ATXN10: variants seen among roughly 807,000 people sequenced by gnomAD.
ATXN10 encodes the protein ataxin 10.
ATXN10 carries 28 observed loss-of-function variants against 52.9 expected under a neutral mutation model. The observed-to-expected ratio is 0.53, with a 90% confidence interval of 0.39 to 0.73. The LOEUF is 0.73. Among genes scored for constraint, ATXN10 ranks in the 30% least tolerant of loss-of-function variants. The pLI is 0.00. For missense variants in ATXN10, 565 were observed against 577.0 expected, an observed-to-expected ratio of 0.98 and a Z score of 0.21; for synonymous variants, 226 against 221.5, an observed-to-expected ratio of 1.02 and a Z score of -0.18.
In ATXN10 at chr22:45,806,965, G is replaced by A; in HGVS notation, c.1180G>A (p.Glu394Lys). 2 of 1,613,494 alleles carry A rather than the reference G, an allele frequency of 1.2e-6. No homozygotes were observed. The highest frequency in any genetic ancestry group is 1.7e-6 in the Non-Finnish European group (2 of 1,179,416). The part of the protein sequence containing the change: ...KNKDNQDKVN[E>K]LDGIPLILDN... ...TTATCTTCTTTCTCTCTAGGTAAAT[G>A]AGCTGGATGGTATCCCGTTGATCCT... Residue 394 changes from glutamate (E) to lysine (K), a missense_variant, in exon 10 of 12, where the codon GAG becomes AAG. Coordinates refer to ENST00000252934, the MANE Select transcript of ATXN10 (RefSeq NM_013236.4).
At chr22:45,709,236 C>T (rs1198186837) in intron 5 of ATXN10, among the ~76,000 whole-genome samples, 1 of 152,160 alleles carries the variant, frequency 6.6e-6, no homozygotes, top group Non-Finnish European at 1.5e-5. Flanking sequence ...TTTAATTGTC[C>T]ATTAGACTGT....
chr22:45,824,219 C>G lies in ATXN10; in HGVS notation c.1237+17197C>G, dbSNP rs1010498333. Among the ~76,000 whole-genome samples the G allele has an allele frequency of 6.6e-6, 1 of 152,164 alleles. No homozygotes were observed. The highest frequency in any genetic ancestry group is 2.4e-5 in the African/African-American group (1 of 41,432). Reference sequence around the variant, plus strand: ...CACTGCCCCTGCAGCTCACAGAGACCTGCACATACTGTTCCTCTCACTGGA... The same window carrying G: ...CACTGCCCCTGCAGCTCACAGAGACGTGCACATACTGTTCCTCTCACTGGA... On this transcript the variant is annotated intron_variant, in intron 10 of 11. Transcript: ENST00000252934. The surrounding 1 kb of genome is among the most constrained non-coding windows in gnomAD (Gnocchi z 5.2).
rs531886362 is a variant in ATXN10 at position 45,769,580 on chromosome 22, C to T, written c.1173+29042C>T. ...GGAATGAATTACACCAGCAGAGGTA[C>T]AGAGGAAGAAAGGTAAAGGGTCAGT... On this transcript the variant is annotated intron_variant, in intron 9 of 11. Transcript: ENST00000252934. This position sits in a 1 kb window ranked among gnomAD's most constrained non-coding sequence, Gnocchi z 4.2. Among the ~76,000 whole-genome samples the T allele has an allele frequency of 3.3e-5, 5 of 152,068 alleles. No individual in the cohort carries two copies. Among genetic ancestry groups the T allele is most frequent in the Non-Finnish European group, 5.9e-5 (4 of 68,022 alleles).
intron 10 of ATXN10, among the ~76,000 whole-genome samples, chr22:45,831,325 A>G (rs1928984786): frequency 6.6e-6 from 1 of 152,134 alleles, no homozygotes; most frequent in South Asian, 2.1e-4. Flanking sequence ...TGTACTCTTT[A>G]GTATAGTTAG....
In ATXN10 at chr22:45,843,664, T is replaced by C; in HGVS notation, c.1426-5T>C. 6.2e-7 allele frequency: 1 copy of C among 1,612,238 alleles called. No individual in the cohort carries two copies. The highest frequency in any genetic ancestry group is 8.5e-7 in the Non-Finnish European group (1 of 1,178,784). ...CTGCAATTTTGTTTCTTTCTTCTTC[T>C]TTAGTGAATGAACTACATCCAAATA... On this transcript the variant is annotated splice_polypyrimidine_tract_variant and splice_region_variant and intron_variant, in intron 11 of 11. Coordinates refer to ENST00000252934, the MANE Select transcript of ATXN10 (RefSeq NM_013236.4). This position sits in a 1 kb window ranked among gnomAD's most constrained non-coding sequence, Gnocchi z 4.5.
chr22:45,725,402 T>A (rs1471915501), intron 6 of ATXN10, among the ~76,000 whole-genome samples: 3 of 83,662 alleles, frequency 3.6e-5, no homozygotes, highest in Non-Finnish European at 7.1e-5. Context: ...AGGCATTTGA[T>A]TTTTTTTTTT....
chr22:45,746,623 C>G (rs961985816), intron 9 of ATXN10, among the ~76,000 whole-genome samples: 5 of 152,138 alleles, frequency 3.3e-5, no homozygotes, highest in Admixed American at 2.6e-4. Flanking sequence ...GGGCCAGCTT[C>G]TATATTCTCA....
At chr22:45,698,357 TTTTGA>T (rs1247220675) in intron 3 of ATXN10, among the ~76,000 whole-genome samples, 2 of 152,200 alleles carry the variant, frequency 1.3e-5, no homozygotes, top group African/African-American at 4.8e-5. Context: ...TTCATTGTGG[TTTTGA>T]TTTGCATTTC....
At chr22:45,736,281 G>C (rs1477578092) in intron 7 of ATXN10, among the ~76,000 whole-genome samples, 1 of 152,134 alleles carries the variant, frequency 6.6e-6, no homozygotes, top group South Asian at 2.1e-4. Context: ...GCCAGTTGCC[G>C]TGGACTGAAT....
At chr22:45,760,445 T>TCAGAACAAGGACTG (rs2146828548) in intron 9 of ATXN10, 1 of 154,260 alleles carries the variant, frequency 6.5e-6, no homozygotes, top group Non-Finnish European at 1.5e-5. Context: ...TCAGAGGCAG[T>TCAGAACAAGGACTG]CCTTGTTCTC....
rs1027563121 is a variant in ATXN10, at chr22:45,705,827, G to A, written c.647+2980G>A. 3.3e-5 allele frequency among the ~76,000 whole-genome samples: 5 copies of A among 152,078 alleles called. No individual in the cohort carries two copies. The highest frequency in any genetic ancestry group is 1.9e-4 in the East Asian group (1 of 5,192). On this transcript the variant is annotated intron_variant, in intron 5 of 11. Transcript: ENST00000252934. The surrounding 1 kb of genome is among the most constrained non-coding windows in gnomAD (Gnocchi z 5.2). ...GGAATTTGCCTGTTTGGTCTAGGCC[G>A]GGGGTCCTCCAGCCCCCGACCTGTG...
At chr22:45,806,930 G>T (rs747511769) in intron 9 of ATXN10, 29 bp from the exon 10 acceptor site, 2 of 1,567,690 alleles carry the variant, frequency 1.3e-6, no homozygotes, top group South Asian at 1.1e-5. Context: ...GCTGTTTTCA[G>T]TGTATAAACT....
At position 45,678,057 on chromosome 22, in the gene ATXN10, G is replaced by A. The variant is rs1922772288; in HGVS notation, c.116+5878G>A. ...TGTAGAGACAGAAAGTAGATTAGAG[G>A]TTACTAGGATTTGGAGAGAGGGGAA... On this transcript the variant is annotated intron_variant, in intron 1 of 11. Coordinates refer to ENST00000252934, the MANE Select transcript of ATXN10 (RefSeq NM_013236.4). This position sits in a 1 kb window ranked among gnomAD's most constrained non-coding sequence, Gnocchi z 4.1. The A allele has an allele frequency of 6.6e-6, 1 of 152,120 alleles. No individual in the cohort carries two copies. Among genetic ancestry groups the A allele is most frequent in the African/African-American group, 2.4e-5 (1 of 41,398 alleles). The allele number at this position is 152,120 out of a possible 1,614,324, so 9.4% of individuals were successfully genotyped here.
chr22:45,748,559 G>A (rs909548665), intron 9 of ATXN10, among the ~76,000 whole-genome samples: 3 of 152,068 alleles, frequency 2.0e-5, no homozygotes, highest in Admixed American at 6.6e-5. Context: ...TGTTTTCCGC[G>A]TGAATTCCAA....
At chr22:45,811,083 T>C (rs1039800464) in intron 10 of ATXN10, among the ~76,000 whole-genome samples, 3 of 152,216 alleles carry the variant, frequency 2.0e-5, no homozygotes, top group Admixed American at 6.5e-5. Flanking sequence ...TTTTGTCTAC[T>C]TTGATTTATC....
intron 1 of ATXN10, 137 bp downstream of exon 1, chr22:45,672,316 C>A: frequency 3.0e-6 from 3 of 993,868 alleles, no homozygotes; most frequent in Non-Finnish European, 2.5e-6. Context: ...GCTGCCTGAG[C>A]GCCACCCAGG....
chr22:45,694,188 T>G (rs546355569), intron 3 of ATXN10, among the ~76,000 whole-genome samples: 7 of 152,312 alleles, frequency 4.6e-5, no homozygotes, highest in Non-Finnish European at 1.0e-4. Context: ...TTTAGACTCA[T>G]TAGTAGAATG....
Position 45,795,627 on chromosome 22 carries a change from G to T in ATXN10, c.1174-11332G>T, listed in dbSNP as rs1296807877. On this transcript the variant is annotated intron_variant, in intron 9 of 11. Transcript: ENST00000252934. This position sits in a 1 kb window ranked among gnomAD's most constrained non-coding sequence, Gnocchi z 4.6. ...TTTCGGGAAGTCAGGGACCCTGAAC[G>T]GAGGGACTGGCTGAAGCCATGGCAG... is the stretch of plus-strand genomic sequence containing the variant. Among the ~76,000 whole-genome samples, 1 of 152,072 alleles carries T rather than the reference G, an allele frequency of 6.6e-6. No individual in the cohort carries two copies. The highest frequency in any genetic ancestry group is 1.9e-4 in the East Asian group (1 of 5,188).
At chr22:45,753,733 G>A (rs1057188441) in intron 9 of ATXN10, among the ~76,000 whole-genome samples, 1 of 151,980 alleles carries the variant, frequency 6.6e-6, no homozygotes, top group Non-Finnish European at 1.5e-5. Context: ...ATAATTTCTT[G>A]ACTTGGGATT....
Sources: allele counts gnomAD v4.1 joint callset (sites outside exome capture counted in the v4.1 genomes callset), GRCh38; gene constraint gnomAD v4.1.1; non-coding constraint Gnocchi (gnomAD v3.1); transcripts MANE v1.5; gene names NCBI Gene and HGNC (gene_info 2026-07-23, HGNC 2026-07-21).